Variants in BSN observed in about 807,000 individuals in gnomAD.
The protein encoded by BSN is protein bassoon.
In BSN, 57 loss-of-function variants were observed where a neutral mutation model predicts 264.8. The ratio of observed to expected loss-of-function variants is 0.22; its 90% confidence interval spans 0.17 to 0.27. The LOEUF (loss-of-function observed/expected upper bound fraction) is 0.27. BSN is among the 10% of genes least tolerant of loss of function. The probability of loss-of-function intolerance (pLI) is 1.00; values close to 1 mark genes in which losing one functional copy is unlikely to be tolerated. For missense variants in BSN, 4,615 were observed against 5,232.5 expected, an observed-to-expected ratio of 0.88 and a Z score of 3.64; for synonymous variants, 2,059 against 2,137.3, an observed-to-expected ratio of 0.96 and a Z score of 1.01.
At chr3:49,566,435 A>G (rs906406272) in intron 1 of BSN, among the ~76,000 whole-genome samples, 1 of 152,096 alleles carries the variant, frequency 6.6e-6, no homozygotes, top group African/African-American at 2.4e-5. Context: ...TGTACTTCCT[A>G]TTGTATCCCA....
In BSN at chr3:49,654,537, C is replaced by T. The variant is rs2052577591; in HGVS notation, c.4981C>T (p.Pro1661Ser). 3.7e-6 allele frequency: 6 copies of T among 1,610,766 alleles called. No individual in the cohort carries two copies. In the East Asian group the frequency reaches 1.3e-4, roughly 36 times the overall value. The change falls in exon 5 of 12, where the codon CCT becomes TCT. Residue 1661 changes from proline to serine, a missense_variant. Coordinates refer to ENST00000296452, the MANE Select transcript of BSN (RefSeq NM_003458.4). The surrounding 1 kb of genome is among the most constrained non-coding windows in gnomAD (Gnocchi z 4.1). ...TAGGGTTGAGCCAGGCCCCAGGACC[C>T]CTGGCACTGCAGTGGTAGACCTCCG... ...TSRVEPGPRTPGTAVVDLRTA... is the reference protein window; with the variant it reads ...TSRVEPGPRTSGTAVVDLRTA...
chr3:49,594,785 A>C lies in BSN; in HGVS notation c.225-30190A>C, dbSNP rs142947702. 2.7e-3 allele frequency among the ~76,000 whole-genome samples: 418 copies of C among 152,246 alleles called. 3 individuals carry two copies. The highest frequency in any genetic ancestry group is 9.3e-3 in the African/African-American group (388 of 41,550). On this transcript the variant is annotated intron_variant, in intron 1 of 11. Transcript: ENST00000296452. The stretch of plus-strand genomic sequence containing the variant: ...TGGGAAGAATGAACATCTTTTCTAC[A>C]TTGACTATGTTCAGTCCATGAACAT...
chr3:49,661,078 A>T lies in BSN; in HGVS notation c.9233A>T (p.His3078Leu). ...GGPTQNGFPA[H>L]QAPTYPGPST... Reference sequence around the variant, plus strand: ...CCAACTCAGAACGGATTCCCAGCCCACCAGGCCCCCACCTACCCTGGCCCC... The same window carrying T: ...CCAACTCAGAACGGATTCCCAGCCCTCCAGGCCCCCACCTACCCTGGCCCC... The change falls in exon 6 of 12, where the codon CAC (histidine) becomes CTC (leucine). Residue 3078 changes from histidine (H) to leucine (L), a missense_variant. Around this residue, in one of 3 missense-constraint regions of BSN, gnomAD observed 3,415 missense variants for 3,866.4 expected, o/e 0.88. Coordinates refer to ENST00000296452, the MANE Select transcript of BSN (RefSeq NM_003458.4). The T allele has an allele frequency of 1.2e-6, 2 of 1,605,972 alleles. No individual in the cohort carries two copies. The highest frequency in any genetic ancestry group is 8.5e-7 in the Non-Finnish European group (1 of 1,177,362).
chr3:49,654,454 G>A lies in BSN; in HGVS notation c.4898G>A (p.Gly1633Asp). Reference protein sequence around the residue: ...ADGPLALYGWGALPAENISLC... With the variant: ...ADGPLALYGWDALPAENISLC... ...GGGCCCCTGGCACTATATGGCTGGG[G>A]TGCCCTCCCTGCTGAGAACATCTCC... Residue 1633 changes from glycine (G) to aspartate (D), a missense_variant, in exon 5 of 12, where the codon GGT becomes GAT. By Grantham distance (94) the Gly-to-Asp change is moderately conservative. Transcript: ENST00000296452. This position sits in a 1 kb window ranked among gnomAD's most constrained non-coding sequence, Gnocchi z 4.1. 6.2e-7 allele frequency: 1 copy of A among 1,605,018 alleles called. No homozygotes were observed. The highest frequency in any genetic ancestry group is 8.5e-7 in the Non-Finnish European group (1 of 1,176,030).
At chr3:49,557,011 C>T (rs999294858) in intron 1 of BSN, among the ~76,000 whole-genome samples, 3 of 152,176 alleles carry the variant, frequency 2.0e-5, no homozygotes, top group Non-Finnish European at 4.4e-5. Flanking sequence ...CTGAATTAGT[C>T]TTTTCATCCT....
chr3:49,579,929 T>C (rs777638329), intron 1 of BSN, among the ~76,000 whole-genome samples: 9 of 152,204 alleles, frequency 5.9e-5, no homozygotes, highest in African/African-American at 2.2e-4. Flanking sequence ...TAAGCCATAA[T>C]TGCATGTCTG....
intron 1 of BSN, among the ~76,000 whole-genome samples, chr3:49,604,767 C>G (rs1372009924): frequency 6.6e-6 from 1 of 152,002 alleles, no homozygotes; most frequent in Non-Finnish European, 1.5e-5. Flanking sequence ...GGAACACAGT[C>G]TGCTCCCATT....
chr3:49,642,339 C>T lies in BSN; in HGVS notation c.705C>T (p.Arg235=), dbSNP rs1345472418. ...GAATGGACATGACCACTGCACCTCGCTCCAAGAGCCAGCAGCAGCTGCACT... is the reference window on the plus strand; with the variant it reads ...GAATGGACATGACCACTGCACCTCGTTCCAAGAGCCAGCAGCAGCTGCACT... ...ALGMDMTTAP[R]SKSQQQLHSP... The change falls in exon 3 of 12, where the codon CGC becomes CGT. Residue 235 remains arginine, a synonymous_variant. Coordinates refer to ENST00000296452, the MANE Select transcript of BSN (RefSeq NM_003458.4). The surrounding 1 kb of genome is among the most constrained non-coding windows in gnomAD (Gnocchi z 7.0). 6 of 1,599,858 alleles carry T rather than the reference C, an allele frequency of 3.8e-6. No individual in the cohort carries two copies. The South Asian group carries it at 5.6e-5, about 15-fold the overall frequency.
At chr3:49,608,794 C>T (rs1361946175) in intron 1 of BSN, among the ~76,000 whole-genome samples, 1 of 151,286 alleles carries the variant, frequency 6.6e-6, no homozygotes, top group Non-Finnish European at 1.5e-5. Context: ...TGCCACTGCA[C>T]TCTAGCCTGG....
At chr3:49,618,010 T>G (rs1575439261) in intron 1 of BSN, among the ~76,000 whole-genome samples, 1 of 152,280 alleles carries the variant, frequency 6.6e-6, no homozygotes, top group South Asian at 2.1e-4. Context: ...TATAACCCTG[T>G]GGGGTCATTC....
chr3:49,642,326 C>T lies in BSN; in HGVS notation c.692C>T (p.Thr231Ile). 1.3e-6 allele frequency: 2 copies of T among 1,598,458 alleles called. No individual in the cohort carries two copies. The highest frequency in any genetic ancestry group is 8.5e-7 in the Non-Finnish European group (1 of 1,172,772). ...CAGAGGGCTCTGGGAATGGACATGA[C>T]CACTGCACCTCGCTCCAAGAGCCAG... Reference protein sequence around the residue: ...QMQRALGMDMTTAPRSKSQQQ... With the variant: ...QMQRALGMDMITAPRSKSQQQ... Residue 231 changes from threonine to isoleucine, a missense_variant, in exon 3 of 12, where the codon ACC becomes ATC. By Grantham distance (89) the Thr-to-Ile change is moderately conservative. Coordinates refer to ENST00000296452, the MANE Select transcript of BSN (RefSeq NM_003458.4). This position sits in a 1 kb window ranked among gnomAD's most constrained non-coding sequence, Gnocchi z 7.0.
chr3:49,554,513 G>T lies in BSN; in HGVS notation c.-90G>T. ...CGAGCCGAGCTGGGAGATGGCGGCG[G>T]CAGCGGCGGCGCCGAGAGTGTGAGC... On this transcript the variant is annotated 5_prime_UTR_variant, in exon 1 of 12. Coordinates refer to ENST00000296452, the MANE Select transcript of BSN (RefSeq NM_003458.4). The T allele has an allele frequency of 2.8e-6, 1 of 361,616 alleles. No homozygotes were observed. Among genetic ancestry groups the T allele is most frequent in the African/African-American group, 2.2e-5 (1 of 45,148 alleles). The allele number at this position is 361,616 out of a possible 1,614,324, so 22.4% of individuals were successfully genotyped here. A position where few individuals can be genotyped will look rare whatever the true frequency, so the allele number is the denominator to read the frequency against.
chr3:49,603,493 A>G (rs2052087767), intron 1 of BSN, among the ~76,000 whole-genome samples: 1 of 152,202 alleles, frequency 6.6e-6, no homozygotes, highest in Non-Finnish European at 1.5e-5. Flanking sequence ...TTGAATGAGC[A>G]AATGACTGGA....
At position 49,658,149 on chromosome 3, in the gene BSN, A is replaced by G. The variant is rs2052627092; in HGVS notation, c.8593A>G (p.Lys2865Glu). Residue 2865 changes from lysine (K) to glutamate (E), a missense_variant, in exon 5 of 12, where the codon AAA becomes GAA. Physicochemically the swap from Lys to Glu is moderately conservative, Grantham distance 56 (BLOSUM62 1). This residue lies in a region of BSN where 3,415 missense variants were observed against 3,866.4 expected (regional missense o/e 0.88). Transcript: ENST00000296452. ...CAGCCCCACCGCCGAAGAGTCTGCCAAAGAGAGATTCTCCCTCTACCAGCA... is the reference window on the plus strand; with the variant it reads ...CAGCCCCACCGCCGAAGAGTCTGCCGAAGAGAGATTCTCCCTCTACCAGCA... ...PLSPTAEESA[K>E]ERFSLYQHQG... 1.3e-6 allele frequency: 2 copies of G among 1,598,842 alleles called. No homozygotes were observed. Among genetic ancestry groups the G allele is most frequent in the South Asian group, 1.1e-5 (1 of 90,232 alleles).
chr3:49,554,637 G>A lies in BSN; in HGVS notation c.35G>A (p.Gly12Asp). 1.0e-6 allele frequency: 1 copy of A among 983,466 alleles called. No homozygotes were observed. The highest frequency in any genetic ancestry group is 5.2e-4 in the Middle Eastern group (1 of 1,918). The allele number at this position is 983,466 out of a possible 1,614,324, so 60.9% of individuals were successfully genotyped here. A position where few individuals can be genotyped will look rare whatever the true frequency, so the allele number is the denominator to read the frequency against. ...GAGGTCAGCCTGGAGGGCGGCGCTGGCGACGGGCCGCTGCCGCCCGGCGGC... is the reference window on the plus strand; with the variant it reads ...GAGGTCAGCCTGGAGGGCGGCGCTGACGACGGGCCGCTGCCGCCCGGCGGC... ...GNEVSLEGGA[G>D]DGPLPPGGAG... The change falls in exon 1 of 12, where the codon GGC becomes GAC. Residue 12 changes from glycine to aspartate, a missense_variant. Transcript: ENST00000296452.
Position 49,663,277 on chromosome 3 carries a change from C to A in BSN, c.11119C>A (p.Gln3707Lys). The change falls in exon 7 of 12, where the codon CAG becomes AAG. Residue 3707 changes from glutamine (Q) to lysine (K), a missense_variant. By Grantham distance (53) the Gln-to-Lys change is moderately conservative. Around this residue, in one of 3 missense-constraint regions of BSN, gnomAD observed 3,415 missense variants for 3,866.4 expected, o/e 0.88. Transcript: ENST00000296452. ...GTATCCCAGCTCTGCTGAGTACTCA[C>A]AGCCATCCCGTGCTTCATCCGCATA... The part of the protein sequence containing the change: ...PGYPSSAEYS[Q>K]PSRASSAYHH... 3 of 1,614,154 alleles carry A rather than the reference C, an allele frequency of 1.9e-6. No individual in the cohort carries two copies. The highest frequency in any genetic ancestry group is 1.7e-6 in the Non-Finnish European group (2 of 1,180,028).
intron 1 of BSN, among the ~76,000 whole-genome samples, chr3:49,594,477 T>C (rs1011110750): frequency 6.6e-6 from 1 of 152,268 alleles, no homozygotes; most frequent in African/African-American, 2.4e-5. Context: ...AGAATCAATT[T>C]AGTATAGCTG....
rs533803124 is a variant in BSN, at chr3:49,657,691, G to A, written c.8135G>A (p.Arg2712His). 83 of 1,559,636 alleles carry A rather than the reference G, an allele frequency of 5.3e-5. No homozygotes were observed. Among genetic ancestry groups the A allele is most frequent in the African/African-American group, 3.4e-4 (25 of 73,984 alleles). ...ATATCGGCGCCAGAGAAGACTGGGC[G>A]TGGGGAGAGCCTGGCCTGCCAGACG... ...RYISAPEKTG[R>H]GESLACQTEP... Residue 2712 changes from arginine to histidine, a missense_variant, in exon 5 of 12, where the codon CGT becomes CAT. Arg to His is a conservative substitution (Grantham distance 29). Transcript: ENST00000296452.
intron 1 of BSN, among the ~76,000 whole-genome samples, chr3:49,576,403 CT>C (rs900544075): frequency 6.7e-6 from 1 of 150,080 alleles, no homozygotes; most frequent in African/African-American, 2.4e-5. Flanking sequence ...ATTCACTTTT[CT>C]TTTTTTTTCT....
Sources: allele counts gnomAD v4.1 joint callset (sites outside exome capture counted in the v4.1 genomes callset), GRCh38; gene constraint gnomAD v4.1.1; regional missense constraint gnomAD v4.1.1; non-coding constraint Gnocchi (gnomAD v3.1); transcripts MANE v1.5; gene names NCBI Gene and HGNC (gene_info 2026-07-23, HGNC 2026-07-21).